Variants in RIMS1 observed in about 807,000 individuals in gnomAD.
RIMS1 encodes the protein regulating synaptic membrane exocytosis 1, also known as regulating synaptic membrane exocytosis protein 1.
RIMS1 carries 83 observed loss-of-function variants against 214.1 expected under a neutral mutation model. The ratio of observed to expected loss-of-function variants is 0.39; its 90% CI spans 0.32 to 0.47. The LOEUF (loss-of-function observed/expected upper bound fraction) is 0.47, where lower values mean the gene tolerates loss of function less well. Ranked by LOEUF, RIMS1 falls within the 20% of genes least tolerant of loss-of-function variation. RIMS1 has a pLI of 0.99. For missense variants in RIMS1, 2,050 were observed against 2,161.8 expected (o/e 0.95, Z 1.03); for synonymous variants, 793 against 786.8 (o/e 1.01, Z -0.13).
intron 1 of RIMS1, 45 bp downstream of exon 1, chr6:71,887,232 C>A: frequency 5.7e-6 from 9 of 1,571,838 alleles, no homozygotes; most frequent in Non-Finnish European, 7.8e-6. Flanking sequence ...GTGCCTCCAT[C>A]CGTCCATTCA....
At chr6:72,071,667 AG>A (rs141769239) in intron 2 of RIMS1, among the ~76,000 whole-genome samples, 8,854 of 152,266 alleles carry the variant, frequency 0.058, 349 homozygotes, top group Middle Eastern at 0.099. Flanking sequence ...ATTATGACCA[AG>A]AAAAATCTAA....
At chr6:72,307,121 GTT>G in intron 26 of RIMS1, 135 bp from the exon 27 acceptor site, 1 of 614,736 alleles carries the variant, frequency 1.6e-6, no homozygotes, top group South Asian at 2.3e-5. Context: ...CTGCATTTTT[GTT>G]TAATTTATTA....
intron 29 of RIMS1, among the ~76,000 whole-genome samples, chr6:72,344,724 G>A (rs2097202670): frequency 6.6e-6 from 1 of 151,682 alleles, no homozygotes; most frequent in African/African-American, 2.4e-5. Flanking sequence ...ATTCACTACT[G>A]TTAATAGAGA....
At chr6:72,248,935 A>G (rs1467982146) in intron 12 of RIMS1, among the ~76,000 whole-genome samples, 1 of 152,116 alleles carries the variant, frequency 6.6e-6, no homozygotes, top group African/African-American at 2.4e-5. Flanking sequence ...TCTGCCGGCC[A>G]TCTTTTTCTT....
intron 29 of RIMS1, among the ~76,000 whole-genome samples, chr6:72,361,939 T>G (rs1216474731): frequency 6.6e-6 from 1 of 152,116 alleles, no homozygotes; most frequent in Non-Finnish European, 1.5e-5. Flanking sequence ...TTGTAAACAT[T>G]AGGACATGAA....
At chr6:71,898,770 C>G (rs758972878) in intron 1 of RIMS1, among the ~76,000 whole-genome samples, 4 of 152,098 alleles carry the variant, frequency 2.6e-5, no homozygotes, top group Non-Finnish European at 4.4e-5. Flanking sequence ...GAAGAGAAAA[C>G]TGAGGCCAGA....
Position 72,293,392 on chromosome 6 carries a change from C to A in RIMS1, c.3850+1346C>A, listed in dbSNP as rs112261910. On this transcript the variant is annotated intron_variant, in intron 26 of 33. Coordinates refer to ENST00000521978, the MANE Select transcript of RIMS1 (RefSeq NM_014989.7). ...TCTCTGGGAACATTTTAAAATTATT[C>A]ATAATTAATCTGGCAATAACCCAGA... is the stretch of plus-strand genomic sequence containing the variant. 9.9e-3 allele frequency among the ~76,000 whole-genome samples: 1,501 copies of A among 151,940 alleles called. 22 individuals are homozygous for A. The highest frequency in any genetic ancestry group is 0.034 in the African/African-American group (1,411 of 41,522).
Position 72,212,802 on chromosome 6 carries a change from C to T in RIMS1, c.1679-20971C>T, listed in dbSNP as rs1031913670. 2.1e-5 allele frequency: 22 copies of T among 1,034,282 alleles called. No individual in the cohort carries two copies. The African/African-American group carries it at 3.6e-4, about 17-fold the overall frequency. 64.1% of individuals were successfully genotyped at this position (1,034,282 alleles called of 1,614,324 possible). On this transcript the variant is annotated intron_variant, in intron 6 of 33. Coordinates refer to ENST00000521978, the MANE Select transcript of RIMS1 (RefSeq NM_014989.7). ...AAAACCCAACAGAGATGCCAATATG[C>T]TTCTCCTCAGTAAATGCTACCAGTC...
intron 26 of RIMS1, among the ~76,000 whole-genome samples, chr6:72,305,507 A>G (rs563617316): frequency 1.3e-5 from 2 of 152,124 alleles, no homozygotes; most frequent in Non-Finnish European, 2.9e-5. Flanking sequence ...ACTCAAAGCA[A>G]ATGATTGAGC....
intron 28 of RIMS1, among the ~76,000 whole-genome samples, chr6:72,316,317 A>G (rs969248697): frequency 3.9e-5 from 6 of 152,128 alleles, no homozygotes; most frequent in African/African-American, 1.4e-4. Context: ...GGTGGTGGAC[A>G]GAGAAGAGGA....
chr6:72,148,495 G>A, intron 4 of RIMS1: 1 of 422,786 alleles, frequency 2.4e-6, no homozygotes, highest in South Asian at 1.7e-5. Flanking sequence ...GTAGCAGGAA[G>A]GCCTAGAGGG....
At chr6:71,972,475 T>C (rs1408987230) in intron 2 of RIMS1, among the ~76,000 whole-genome samples, 1 of 152,214 alleles carries the variant, frequency 6.6e-6, no homozygotes, top group Non-Finnish European at 1.5e-5. Flanking sequence ...GTGTATTCTA[T>C]TATGCAAGTC....
chr6:72,155,460 C>T (rs1247374207), intron 4 of RIMS1, among the ~76,000 whole-genome samples: 1 of 140,070 alleles, frequency 7.1e-6, no homozygotes, highest in African/African-American at 2.5e-5. Context: ...TCAGCAACAC[C>T]CCATTCTCGT....
intron 6 of RIMS1, among the ~76,000 whole-genome samples, chr6:72,204,102 G>A (rs2052502681): frequency 6.6e-6 from 1 of 152,190 alleles, no homozygotes; most frequent in African/African-American, 2.4e-5. Flanking sequence ...CTGACTAGCA[G>A]GTGTGAATTC....
At chr6:72,046,028 T>C (rs1822917682) in intron 2 of RIMS1, among the ~76,000 whole-genome samples, 1 of 152,048 alleles carries the variant, frequency 6.6e-6, no homozygotes, top group South Asian at 2.1e-4. Context: ...AAAGACATAA[T>C]TTTCTTTTAA....
At chr6:71,911,001 G>T (rs1053657316) in intron 1 of RIMS1, among the ~76,000 whole-genome samples, 4 of 152,070 alleles carry the variant, frequency 2.6e-5, no homozygotes, top group African/African-American at 9.7e-5. Flanking sequence ...GGTTATAGAG[G>T]AGTCAAATCT....
rs2082805004 is a variant in RIMS1 at position 72,271,051 on chromosome 6, AG to A, written c.3399-3296del. 2.0e-5 allele frequency among the ~76,000 whole-genome samples: 3 copies of A among 151,946 alleles called. No homozygotes were observed. The South Asian group carries it at 6.2e-4, about 32-fold the overall frequency. ...GGGAGGCTGAGGCGGGCAGATCACT[AG>A]GTCAGGAATTTGAGACCAGCCTGAC... On this transcript the variant is annotated intron_variant, in intron 22 of 33. Transcript: ENST00000521978.
intron 2 of RIMS1, among the ~76,000 whole-genome samples, chr6:72,000,050 G>A (rs923514394): frequency 4.0e-5 from 6 of 151,640 alleles, no homozygotes; most frequent in African/African-American, 9.7e-5. Flanking sequence ...TCTCTAATTT[G>A]TTCTTTTTAG....
chr6:72,319,032 T>G (rs1479046987), intron 28 of RIMS1, among the ~76,000 whole-genome samples: 2 of 152,134 alleles, frequency 1.3e-5, no homozygotes, highest in African/African-American at 2.4e-5. Flanking sequence ...TAAAATTTTT[T>G]TTTAAATTTG....
Sources: allele counts gnomAD v4.1 joint callset (sites outside exome capture counted in the v4.1 genomes callset), GRCh38; gene constraint gnomAD v4.1.1; transcripts MANE v1.5; gene names NCBI Gene and HGNC (gene_info 2026-07-23, HGNC 2026-07-21).